The following DNAH11 variants were observed in gnomAD, a reference collection of about 807,000 sequenced individuals.
DNAH11 encodes the protein dynein axonemal heavy chain 11.
In DNAH11, 442 loss-of-function variants were observed where a neutral mutation model predicts 526.0. That is an observed-to-expected ratio of 0.84 (90% confidence interval 0.78 to 0.91). The LOEUF is 0.91. Among genes scored for constraint, DNAH11 ranks in the 40% least tolerant of loss-of-function variants. The pLI, the probability that DNAH11 is intolerant of heterozygous loss-of-function variation, is 0.00. For synonymous variants in DNAH11, 2,461 were observed against 1,935.9 expected (o/e 1.27, Z -7.12); for missense variants, 6,989 against 5,448.7 (o/e 1.28, Z -8.90).
At chr7:21,558,011 T>C (rs1783288377) in intron 2 of DNAH11, among the ~76,000 whole-genome samples, 1 of 152,256 alleles carries the variant, frequency 6.6e-6, no homozygotes, top group South Asian at 2.1e-4. Flanking sequence ...TTCAGCTTTT[T>C]GTTTAACTAG....
intron 60 of DNAH11, among the ~76,000 whole-genome samples, chr7:21,787,840 C>G (rs551629337): frequency 2.0e-5 from 3 of 152,194 alleles, no homozygotes; most frequent in Non-Finnish European, 4.4e-5. Context: ...TAGATGAAAA[C>G]TTTTATATGA....
intron 54 of DNAH11, among the ~76,000 whole-genome samples, chr7:21,760,934 A>G (rs1786871770): frequency 6.6e-6 from 1 of 152,224 alleles, no homozygotes; most frequent in Non-Finnish European, 1.5e-5. Context: ...ACACCCTTTT[A>G]AAATGATTTA....
chr7:21,790,468 A>T (rs562005295), intron 61 of DNAH11, among the ~76,000 whole-genome samples: 14 of 152,306 alleles, frequency 9.2e-5, no homozygotes, highest in African/African-American at 2.9e-4. Context: ...AAAAGAAAAG[A>T]AAATATTTTC....
At position 21,591,443 on chromosome 7, in the gene DNAH11, G is replaced by A. The variant is rs1269684711; in HGVS notation, c.2533G>A (p.Ala845Thr). Reference protein sequence around the residue: ...KVIQQTMRGWARCVLPPRREH... With the variant: ...KVIQQTMRGWTRCVLPPRREH... ...GATCCAGCAGACCATGAGGGGCTGG[G>A]CCAGGTGCGTGCTACCTCCCAGGAG... The change falls in exon 14 of 82, where the codon GCC becomes ACC. Residue 845 changes from alanine (A) to threonine (T), a missense_variant. Coordinates refer to ENST00000409508, the MANE Select transcript of DNAH11 (RefSeq NM_001277115.2). 2.5e-6 allele frequency: 4 copies of A among 1,613,844 alleles called. No individual in the cohort carries two copies. The highest frequency in any genetic ancestry group is 3.4e-6 in the Non-Finnish European group (4 of 1,179,886).
rs115104257 is a variant in DNAH11, at chr7:21,878,676, C to T, written c.12196-2026C>T. 5.5e-3 allele frequency among the ~76,000 whole-genome samples: 844 copies of T among 152,170 alleles called. 6 individuals are homozygous for T. The highest frequency in any genetic ancestry group is 0.019 in the African/African-American group (806 of 41,506). ...GGATCTGCGCTACATGCTTCCTGGC[C>T]AATTCTAGAACCGTATTTGGTGGGA... On this transcript the variant is annotated intron_variant, in intron 74 of 81. Transcript: ENST00000409508.
chr7:21,868,066 C>T, intron 72 of DNAH11, 59 bp downstream of exon 72: 2 of 1,355,202 alleles, frequency 1.5e-6, no homozygotes, highest in Non-Finnish European at 1.9e-6. Flanking sequence ...TTCACCCCCA[C>T]CCCTGCCCTT....
At chr7:21,606,350 A>T in intron 18 of DNAH11, 76 bp from the exon 19 acceptor site, 2 of 1,150,902 alleles carry the variant, frequency 1.7e-6, no homozygotes, top group Non-Finnish European at 1.2e-6. Context: ...GAAAGAAATT[A>T]GAGTCATTTA....
chr7:21,733,052 G>T (rs976376821), intron 45 of DNAH11, among the ~76,000 whole-genome samples: 16 of 152,276 alleles, frequency 1.1e-4, no homozygotes, highest in African/African-American at 3.6e-4. Flanking sequence ...TGTGGGGGAG[G>T]GGTGGGGACT....
At chr7:21,564,494 C>A in intron 6 of DNAH11, 97 bp downstream of exon 6, 2 of 805,030 alleles carry the variant, frequency 2.5e-6, no homozygotes, top group African/African-American at 1.8e-5. Flanking sequence ...GTAAGAACAC[C>A]ATCTTTCTTT....
chr7:21,726,860 CAAAAAAAAAA>C (rs1166791175), intron 45 of DNAH11, among the ~76,000 whole-genome samples: 5 of 13,812 alleles, frequency 3.6e-4, no homozygotes, highest in African/African-American at 1.5e-3. Flanking sequence ...GACTCTGTCT[CAAAAAAAAAA>C]AAAAAAAAAA....
intron 76 of DNAH11, 97 bp from the exon 77 acceptor site, chr7:21,892,328 T>C: frequency 6.6e-7 from 1 of 1,506,196 alleles, no homozygotes; most frequent in Non-Finnish European, 8.9e-7. Flanking sequence ...AGCATTGTGC[T>C]GGAGCCTTCT....
intron 79 of DNAH11, among the ~76,000 whole-genome samples, chr7:21,896,912 A>T (rs922624898): frequency 1.6e-4 from 24 of 148,356 alleles, no homozygotes; most frequent in African/African-American, 6.3e-4. Context: ...ATAATAAAAT[A>T]AATAAAATAA....
chr7:21,751,488 A>T (rs141444452), intron 54 of DNAH11, among the ~76,000 whole-genome samples: 1,658 of 152,332 alleles, frequency 0.011, 31 homozygotes, highest in African/African-American at 0.038. Context: ...CTCCAAACTC[A>T]TCAGGAAGCC....
At chr7:21,665,745 A>G (rs1782397911) in intron 30 of DNAH11, among the ~76,000 whole-genome samples, 1 of 152,112 alleles carries the variant, frequency 6.6e-6, no homozygotes, top group South Asian at 2.1e-4. Flanking sequence ...TTATCCACAT[A>G]ATTATAAAAC....
intron 65 of DNAH11, among the ~76,000 whole-genome samples, chr7:21,830,527 C>G (rs1389142513): frequency 6.6e-6 from 1 of 152,182 alleles, no homozygotes; most frequent in Non-Finnish European, 1.5e-5. Context: ...TTGACAGAGG[C>G]TGACATTATA....
intron 14 of DNAH11, 99 bp from the exon 15 acceptor site, chr7:21,599,688 A>T: frequency 4.4e-6 from 4 of 917,304 alleles, no homozygotes; most frequent in Non-Finnish European, 6.3e-6. Context: ...TGTGCACAAC[A>T]ATGCAGTCTC....
intron 30 of DNAH11, among the ~76,000 whole-genome samples, chr7:21,675,373 C>G (rs1782832987): frequency 6.6e-6 from 1 of 152,200 alleles, no homozygotes; most frequent in African/African-American, 2.4e-5. Flanking sequence ...ACGACTGCCT[C>G]CCTGCTGGCC....
chr7:21,678,006 T>C (rs1348371078), intron 30 of DNAH11, among the ~76,000 whole-genome samples: 1 of 152,162 alleles, frequency 6.6e-6, no homozygotes, highest in Non-Finnish European at 1.5e-5. Flanking sequence ...AATATTTTCT[T>C]CCATTCCATA....
chr7:21,665,651 C>G (rs1356863291), intron 30 of DNAH11, among the ~76,000 whole-genome samples: 1 of 152,014 alleles, frequency 6.6e-6, no homozygotes, highest in Non-Finnish European at 1.5e-5. Flanking sequence ...TAAAAGTTTT[C>G]CACTTTGTTC....
Sources: allele counts gnomAD v4.1 joint callset (sites outside exome capture counted in the v4.1 genomes callset), GRCh38; gene constraint gnomAD v4.1.1; transcripts MANE v1.5; gene names NCBI Gene and HGNC (gene_info 2026-07-23, HGNC 2026-07-21).